Variants in FAM222A observed in about 807,000 individuals in gnomAD.
FAM222A encodes protein FAM222A.
In FAM222A, 7 loss-of-function variants were observed where a neutral mutation model predicts 25.8. That is an observed-to-expected ratio of 0.27 (90% CI 0.15 to 0.51). The LOEUF is 0.51. FAM222A is among the 20% of genes least tolerant of loss of function. The pLI is 0.97. For synonymous variants in FAM222A, 294 were observed against 298.8 expected (o/e 0.98, Z 0.17); for missense variants, 573 against 640.5 (o/e 0.89, Z 1.14).
intron 1 of FAM222A, among the ~76,000 whole-genome samples, chr12:109,732,023 A>G (rs904897785): frequency 2.0e-5 from 3 of 152,136 alleles, no homozygotes; most frequent in African/African-American, 7.2e-5. Context: ...CCATCTGTGG[A>G]CACAACCTTC....
chr12:109,755,389 C>T (rs866658222), intron 2 of FAM222A, among the ~76,000 whole-genome samples: 9 of 147,722 alleles, frequency 6.1e-5, no homozygotes, highest in East Asian at 2.1e-4. Context: ...CTCGGCTCAC[C>T]GCAATCTCGG....
intron 1 of FAM222A, among the ~76,000 whole-genome samples, chr12:109,725,797 A>C (rs910461925): frequency 6.6e-6 from 1 of 151,982 alleles, no homozygotes; most frequent in Non-Finnish European, 1.5e-5. Flanking sequence ...GCCGGCCCGG[A>C]ATCCTGTCTG....
chr12:109,760,677 T>C (rs1276824821), intron 2 of FAM222A, among the ~76,000 whole-genome samples: 1 of 152,224 alleles, frequency 6.6e-6, no homozygotes, highest in East Asian at 1.9e-4. Context: ...CTTGACACTC[T>C]ACTCCTTGAA....
intron 1 of FAM222A, among the ~76,000 whole-genome samples, chr12:109,729,570 A>AG (rs1400432476): frequency 1.1e-4 from 17 of 152,270 alleles, no homozygotes; most frequent in Admixed American, 1.1e-3. Flanking sequence ...TTATCCTGCA[A>AG]GGGAAAAAAA....
intron 2 of FAM222A, among the ~76,000 whole-genome samples, chr12:109,755,346 CTT>C (rs1294662471): frequency 2.0e-5 from 2 of 97,920 alleles, no homozygotes; most frequent in African/African-American, 8.2e-5. Context: ...GAGTTTCACT[CTT>C]GTTACCCAGG....
chr12:109,756,138 C>G (rs1328397577), intron 2 of FAM222A, among the ~76,000 whole-genome samples: 1 of 152,172 alleles, frequency 6.6e-6, no homozygotes, highest in Non-Finnish European at 1.5e-5. Context: ...TTGTAGTTTA[C>G]AGATTTTGAG....
intron 2 of FAM222A, among the ~76,000 whole-genome samples, chr12:109,760,155 A>G (rs1861817): frequency 0.8 from 122,131 of 151,822 alleles, 49,324 homozygotes; most frequent in Middle Eastern, 0.83. Flanking sequence ...GGTGGAGGCC[A>G]TCCCTGCCTC....
At chr12:109,726,346 T>C (rs2136321699) in intron 1 of FAM222A, among the ~76,000 whole-genome samples, 1 of 151,994 alleles carries the variant, frequency 6.6e-6, no homozygotes, top group South Asian at 2.1e-4. Context: ...GGGGACATCA[T>C]GGTTTGGTTT....
intron 2 of FAM222A, among the ~76,000 whole-genome samples, chr12:109,757,017 TG>T: frequency 6.6e-6 from 1 of 152,206 alleles, no homozygotes; most frequent in East Asian, 1.9e-4. Flanking sequence ...TCTCTTTACT[TG>T]TTATAGGTCT....
chr12:109,757,251 G>A (rs1888757341), intron 2 of FAM222A, among the ~76,000 whole-genome samples: 1 of 152,216 alleles, frequency 6.6e-6, no homozygotes, highest in Non-Finnish European at 1.5e-5. Context: ...TACATCTTGA[G>A]CATTTGTGTG....
At chr12:109,724,545 G>A (rs1013203003) in intron 1 of FAM222A, among the ~76,000 whole-genome samples, 5 of 152,214 alleles carry the variant, frequency 3.3e-5, no homozygotes, top group African/African-American at 9.6e-5. Flanking sequence ...CACCCTCCTC[G>A]GGCCCTCAGA....
chr12:109,732,944 A>G (rs921681672), intron 1 of FAM222A, among the ~76,000 whole-genome samples: 3 of 152,198 alleles, frequency 2.0e-5, no homozygotes, highest in Non-Finnish European at 4.4e-5. Flanking sequence ...ACACTAAACC[A>G]TTCATCAAGA....
chr12:109,727,383 G>A (rs1170872089), intron 1 of FAM222A, among the ~76,000 whole-genome samples: 1 of 152,156 alleles, frequency 6.6e-6, no homozygotes, highest in African/African-American at 2.4e-5. Flanking sequence ...CCTCCACAGA[G>A]GTTTGGCCGA....
Position 109,714,545 on chromosome 12 carries a change from G to A in FAM222A, c.-399G>A, listed in dbSNP as rs1041205587. The A allele has an allele frequency of 3.3e-5, 5 of 151,780 alleles. No individual in the cohort carries two copies. The highest frequency in any genetic ancestry group is 6.6e-5 in the Admixed American group (1 of 15,238). The allele number at this position is 151,780 out of a possible 1,614,324, so 9.4% of individuals were successfully genotyped here. On this transcript the variant is annotated 5_prime_UTR_variant, in exon 1 of 3. Coordinates refer to ENST00000538780, the MANE Select transcript of FAM222A (RefSeq NM_032829.3). The surrounding 1 kb of genome is among the most constrained non-coding windows in gnomAD (Gnocchi z 4.2). ...GGAGAGGGCGCCCTGGGAGCGGCGC[G>A]GGCCGAGCTGCAGCCTTGAGCGGGG...
chr12:109,721,432 G>A (rs1887743433), intron 1 of FAM222A, among the ~76,000 whole-genome samples: 1 of 151,662 alleles, frequency 6.6e-6, no homozygotes, highest in African/African-American at 2.4e-5. Flanking sequence ...GGCCTGGCTT[G>A]CCTTATGCCG....
At chr12:109,749,306 G>T (rs1455336482) in intron 2 of FAM222A, among the ~76,000 whole-genome samples, 1 of 152,008 alleles carries the variant, frequency 6.6e-6, no homozygotes, top group Non-Finnish European at 1.5e-5. Context: ...GGGTTTCTCC[G>T]TGTTAGTCAG....
intron 2 of FAM222A, chr12:109,744,579 G>A (rs1025101291): frequency 4.1e-6 from 4 of 985,278 alleles, no homozygotes; most frequent in Non-Finnish European, 1.2e-6. Flanking sequence ...TGACGTGGAA[G>A]CAAAAAATAG....
intron 1 of FAM222A, among the ~76,000 whole-genome samples, chr12:109,739,669 A>G (rs1353023863): frequency 1.3e-5 from 2 of 152,212 alleles, no homozygotes; most frequent in African/African-American, 4.8e-5. Flanking sequence ...GGGGAGAAGC[A>G]GACCCTTGCT....
At chr12:109,753,310 A>C (rs1357295023) in intron 2 of FAM222A, among the ~76,000 whole-genome samples, 1 of 152,158 alleles carries the variant, frequency 6.6e-6, no homozygotes, top group Non-Finnish European at 1.5e-5. Context: ...TGTGCCCCAC[A>C]CTGCTCTTCT....
Sources: allele counts gnomAD v4.1 joint callset (sites outside exome capture counted in the v4.1 genomes callset), GRCh38; gene constraint gnomAD v4.1.1; non-coding constraint Gnocchi (gnomAD v3.1); transcripts MANE v1.5; gene names NCBI Gene and HGNC (gene_info 2026-07-23, HGNC 2026-07-21).